OSBP2: variants seen among roughly 807,000 people sequenced by gnomAD.
The protein encoded by OSBP2 is oxysterol binding protein 2, also known as oxysterol-binding protein 2.
A neutral mutation model predicts 96.0 loss-of-function variants in OSBP2; 66 were observed. The observed-to-expected ratio is 0.69, with a 90% CI of 0.56 to 0.84. OSBP2 has a LOEUF of 0.84. OSBP2 is among the 40% of genes least tolerant of loss of function. The pLI is 0.00. For missense variants in OSBP2, 1,038 were observed against 1,222.7 expected (o/e 0.85, Z 2.25); for synonymous variants, 525 against 520.9 (o/e 1.01, Z -0.11).
Position 30,741,263 on chromosome 22 carries a change from C to G in OSBP2, c.747C>G (p.Ala249=). Reference sequence around the variant, plus strand: ...GTGGTATCTTGCTGACCAGTGGGGCCAGGAGCTACCACCTCAAGGCCAGCT... The same window carrying G: ...GTGGTATCTTGCTGACCAGTGGGGCGAGGAGCTACCACCTCAAGGCCAGCT... ...DSCGILLTSG[A]RSYHLKASSE... Residue 249 remains alanine, a synonymous_variant, in exon 2 of 14, where the codon GCC becomes GCG. Transcript: ENST00000332585. 1 of 1,614,046 alleles carries G rather than the reference C, an allele frequency of 6.2e-7. No individual in the cohort carries two copies. The highest frequency in any genetic ancestry group is 1.3e-5 in the African/African-American group (1 of 75,060).
chr22:30,854,343 C>T (rs1204653508), intron 2 of OSBP2, among the ~76,000 whole-genome samples: 1 of 132,004 alleles, frequency 7.6e-6, no homozygotes, highest in African/African-American at 2.8e-5. Context: ...GGGTCTCACT[C>T]TGTTGCCCAG....
chr22:30,790,918 C>T (rs922145524), intron 2 of OSBP2, among the ~76,000 whole-genome samples: 1 of 152,134 alleles, frequency 6.6e-6, no homozygotes, highest in Admixed American at 6.6e-5. Flanking sequence ...AGGATTTGGA[C>T]AGTCAAGGCC....
intron 1 of OSBP2, among the ~76,000 whole-genome samples, chr22:30,706,461 C>A (rs995337339): frequency 6.6e-6 from 1 of 152,150 alleles, no homozygotes; most frequent in Non-Finnish European, 1.5e-5. Context: ...TTGACTCACA[C>A]CATTTGATCT....
chr22:30,706,411 GCA>G (rs1226122533), intron 1 of OSBP2, among the ~76,000 whole-genome samples: 4 of 151,844 alleles, frequency 2.6e-5, no homozygotes, highest in Non-Finnish European at 5.9e-5. Flanking sequence ...CTTGTCACAC[GCA>G]CAGCCACAGC....
chr22:30,862,147 C>T (rs2039224622), intron 2 of OSBP2, among the ~76,000 whole-genome samples: 1 of 152,258 alleles, frequency 6.6e-6, no homozygotes, highest in African/African-American at 2.4e-5. Flanking sequence ...TCTCCTTCTC[C>T]ATTGCCTGAG....
intron 2 of OSBP2, among the ~76,000 whole-genome samples, chr22:30,775,704 C>G (rs911039332): frequency 2.6e-5 from 4 of 152,158 alleles, no homozygotes; most frequent in Non-Finnish European, 4.4e-5. Flanking sequence ...TGTTCAAATA[C>G]CTAATTATAA....
intron 2 of OSBP2, among the ~76,000 whole-genome samples, chr22:30,848,337 A>G (rs946075601): frequency 1.3e-5 from 2 of 152,228 alleles, no homozygotes; most frequent in Non-Finnish European, 2.9e-5. Context: ...GTACATTTAT[A>G]TATATCAATA....
rs201910932 is a variant in OSBP2, at chr22:30,843,452, C to T, written c.854-26977C>T. Among the ~76,000 whole-genome samples the T allele has an allele frequency of 9.5e-5, 8 of 83,810 alleles. No individual in the cohort carries two copies. In the East Asian group the frequency reaches 1.0e-3, roughly 11 times the overall value. 55.0% of individuals were successfully genotyped at this position (83,810 alleles called of 152,430 possible). On this transcript the variant is annotated intron_variant, in intron 2 of 13. Transcript: ENST00000332585. ...ACGTTTTCAGGAATCTTTCCCCCCT[C>T]CCCCTTGAGCAATAGGTCCTGACAG...
At chr22:30,809,644 G>A (rs983865470) in intron 2 of OSBP2, among the ~76,000 whole-genome samples, 1 of 152,144 alleles carries the variant, frequency 6.6e-6, no homozygotes, top group Admixed American at 6.5e-5. Flanking sequence ...AAAGGACTTC[G>A]AACTTGAACT....
At chr22:30,746,565 T>C (rs2090003665) in intron 2 of OSBP2, among the ~76,000 whole-genome samples, 1 of 145,910 alleles carries the variant, frequency 6.9e-6, no homozygotes, top group African/African-American at 2.6e-5. Flanking sequence ...TCTCGGCTCA[T>C]TGCAAGCTTC....
intron 2 of OSBP2, among the ~76,000 whole-genome samples, chr22:30,846,954 T>C (rs2038883702): frequency 6.6e-6 from 1 of 152,052 alleles, no homozygotes; most frequent in Non-Finnish European, 1.5e-5. Flanking sequence ...GAATTGATAT[T>C]ATTTCACTCT....
At chr22:30,864,817 C>T (rs945471249) in intron 2 of OSBP2, among the ~76,000 whole-genome samples, 2 of 152,162 alleles carry the variant, frequency 1.3e-5, no homozygotes, top group South Asian at 2.1e-4. Context: ...TCTCCAGTGA[C>T]ACCCATGAGG....
intron 2 of OSBP2, among the ~76,000 whole-genome samples, chr22:30,826,822 T>C (rs1263396018): frequency 6.6e-6 from 1 of 152,194 alleles, no homozygotes; most frequent in Non-Finnish European, 1.5e-5. Context: ...GTTCTTCCTC[T>C]GGGGCATTCC....
rs1043632181 is a variant in OSBP2, at chr22:30,870,996, C to T, written c.1107+314C>T. On this transcript the variant is annotated intron_variant, in intron 3 of 13. Coordinates refer to ENST00000332585, the MANE Select transcript of OSBP2 (RefSeq NM_030758.4). This position sits in a 1 kb window ranked among gnomAD's most constrained non-coding sequence, Gnocchi z 4.1. ...GGGGCCCCAAGTTAAGTAGCTAGCC[C>T]AGCAGGTCAGTTCTGCCCACACAGT... is the stretch of plus-strand genomic sequence containing the variant. Among the ~76,000 whole-genome samples, 16 of 152,146 alleles carry T rather than the reference C, an allele frequency of 1.1e-4. No homozygotes were observed. The highest frequency in any genetic ancestry group is 3.4e-4 in the African/African-American group (14 of 41,410).
chr22:30,810,335 A>G (rs1469814362), intron 2 of OSBP2, among the ~76,000 whole-genome samples: 1 of 152,176 alleles, frequency 6.6e-6, no homozygotes, highest in Non-Finnish European at 1.5e-5. Context: ...CACTGGATTC[A>G]GGGATGACTT....
At chr22:30,704,982 C>A (rs1273416623) in intron 1 of OSBP2, among the ~76,000 whole-genome samples, 1 of 152,194 alleles carries the variant, frequency 6.6e-6, no homozygotes, top group East Asian at 1.9e-4. Context: ...TGACATCAGT[C>A]AGAGTAAGGG....
At position 30,906,433 on chromosome 22, in the gene OSBP2, C is replaced by T. The variant is rs978385653; in HGVS notation, c.*94C>T. The T allele has an allele frequency of 1.5e-6, 2 of 1,366,074 alleles. No homozygotes were observed. Among genetic ancestry groups the T allele is most frequent in the East Asian group, 5.1e-5 (2 of 39,134 alleles). 84.6% of individuals were successfully genotyped at this position (1,366,074 alleles called of 1,614,324 possible). A position where few individuals can be genotyped will look rare whatever the true frequency, so the allele number is the denominator to read the frequency against. ...TAGTACTGAATGGTCTTTCTCCCAGCCCATTCCCAGCCCTTCCTATTTCCT... is the reference window on the plus strand; with the variant it reads ...TAGTACTGAATGGTCTTTCTCCCAGTCCATTCCCAGCCCTTCCTATTTCCT... On this transcript the variant is annotated 3_prime_UTR_variant, in exon 14 of 14. Coordinates refer to ENST00000332585, the MANE Select transcript of OSBP2 (RefSeq NM_030758.4).
chr22:30,800,669 G>A (rs892264231), intron 2 of OSBP2, among the ~76,000 whole-genome samples: 1 of 152,148 alleles, frequency 6.6e-6, no homozygotes, highest in Admixed American at 6.5e-5. Context: ...GGGGCAGAAG[G>A]TAGAAGACAA....
intron 2 of OSBP2, chr22:30,803,100 C>T (rs992702752): frequency 1.4e-5 from 3 of 209,734 alleles, no homozygotes; most frequent in Admixed American, 6.0e-5. Context: ...GCGGCGGCGG[C>T]GGCAGCAGCA....
Sources: gnomAD v4.1 joint callset for allele counts (sites outside exome capture counted in the v4.1 genomes callset) on GRCh38, gnomAD v4.1.1 for gene constraint, Gnocchi (gnomAD v3.1) non-coding constraint, MANE v1.5 for transcripts, NCBI Gene and HGNC (gene_info 2026-07-23, HGNC 2026-07-21) for gene names.